The following COG4 variants were observed in gnomAD, a reference collection of about 807,000 sequenced individuals.
COG4 encodes the protein component of oligomeric golgi complex 4, also known as conserved oligomeric Golgi complex subunit 4.
COG4 carries 65 observed loss-of-function variants against 95.1 expected under a neutral mutation model. The ratio of observed to expected loss-of-function variants is 0.68; its 90% confidence interval spans 0.56 to 0.84. COG4 has a LOEUF of 0.84. Among genes scored for constraint, COG4 ranks in the 40% least tolerant of loss-of-function variants. The pLI is 0.00. For synonymous variants in COG4, 421 were observed against 374.8 expected, an observed-to-expected ratio of 1.12 and a Z score of -1.42; for missense variants, 1,045 against 989.1, an observed-to-expected ratio of 1.06 and a Z score of -0.76.
rs562902773 is a variant in COG4 at position 70,509,287 on chromosome 16, T to G, written c.946A>C (p.Arg316=). ...TTGTCTACCACCTTCTCCACCTGTC[T>G]GTCACATTCCACCTGCAGATATTTG... ...LIKYLQVECD[R]QVEKVVDKFI... Residue 316 remains arginine, a synonymous_variant, in exon 7 of 19, where the codon AGA becomes CGA. Coordinates refer to ENST00000323786, the MANE Select transcript of COG4 (RefSeq NM_015386.3). 6.2e-7 allele frequency: 1 copy of G among 1,614,208 alleles called. No homozygotes were observed. The highest frequency in any genetic ancestry group is 1.1e-5 in the South Asian group (1 of 91,092).
At chr16:70,518,220 C>T (rs556404860) in intron 2 of COG4, among the ~76,000 whole-genome samples, 2 of 152,214 alleles carry the variant, frequency 1.3e-5, no homozygotes, top group African/African-American at 4.8e-5. Context: ...CTGCGCCTGG[C>T]CAAAATTAAC....
At position 70,480,888 on chromosome 16, in the gene COG4, C is replaced by G. The variant is rs867991390; in HGVS notation, c.*122G>C. On this transcript the variant is annotated 3_prime_UTR_variant, in exon 19 of 19. Transcript: ENST00000323786. ...CAGACTTTGTTTCTCTGCTGCCAGCCGTAGAAAGGTCTGGGCTGTCAGATC... is the reference window on the plus strand; with the variant it reads ...CAGACTTTGTTTCTCTGCTGCCAGCGGTAGAAAGGTCTGGGCTGTCAGATC... 6.0e-5 allele frequency: 71 copies of G among 1,177,682 alleles called. 1 individual carries two copies. The highest frequency in any genetic ancestry group is 3.8e-4 in the East Asian group (16 of 42,480). The allele number at this position is 1,177,682 out of a possible 1,614,324, so 73.0% of individuals were successfully genotyped here.
intron 8 of COG4, among the ~76,000 whole-genome samples, chr16:70,505,201 T>TC (rs1363547478): frequency 2.0e-5 from 3 of 147,682 alleles, no homozygotes; most frequent in African/African-American, 7.5e-5. Context: ...GATTTTCTTT[T>TC]TTTTTTTTTT....
At chr16:70,492,574 T>G (rs2049266324) in intron 12 of COG4, among the ~76,000 whole-genome samples, 1 of 149,814 alleles carries the variant, frequency 6.7e-6, no homozygotes, top group South Asian at 2.1e-4. Flanking sequence ...GACAGAAGAA[T>G]CACTTGAACC....
At chr16:70,508,112 G>A (rs939050586) in intron 8 of COG4, among the ~76,000 whole-genome samples, 3 of 151,712 alleles carry the variant, frequency 2.0e-5, no homozygotes, top group Non-Finnish European at 4.4e-5. Flanking sequence ...GTAGAGACGG[G>A]GTTTCACCAT....
chr16:70,493,174 ACT>A (rs1419423459), intron 12 of COG4, among the ~76,000 whole-genome samples: 2 of 152,116 alleles, frequency 1.3e-5, no homozygotes, highest in Admixed American at 1.3e-4. Context: ...TCTCCAGCTC[ACT>A]GTCCTATTTG....
At chr16:70,506,402 A>G (rs1282076763) in intron 8 of COG4, among the ~76,000 whole-genome samples, 1 of 150,514 alleles carries the variant, frequency 6.6e-6, no homozygotes, top group Non-Finnish European at 1.5e-5. Flanking sequence ...GACTCCGTCT[A>G]AATTAAAAAA....
chr16:70,516,048 G>A (rs751971609), intron 3 of COG4: 3 of 456,002 alleles, frequency 6.6e-6, no homozygotes, highest in South Asian at 3.1e-5. Flanking sequence ...TTTCTACCAC[G>A]AAAGGATATT....
intron 8 of COG4, 88 bp downstream of exon 8, chr16:70,508,318 G>A: frequency 9.2e-7 from 1 of 1,084,390 alleles, no homozygotes; most frequent in Non-Finnish European, 1.4e-6. Context: ...TAAAAACATA[G>A]ACCACATTGT....
chr16:70,508,839 G>A lies in COG4; in HGVS notation c.1003-375C>T, dbSNP rs115269262. On this transcript the variant is annotated intron_variant, in intron 7 of 18. Transcript: ENST00000323786. ...AAAACAAAGTTCTGAAAAAGCAAAC[G>A]TTATCTTTAACATCTTAGGAATGAA... 327 of 536,216 alleles carry A rather than the reference G, an allele frequency of 6.1e-4. 2 individuals are homozygous for A. The highest frequency in any genetic ancestry group is 5.5e-3 in the African/African-American group (292 of 53,280). The allele number at this position is 536,216 out of a possible 1,614,324, so 33.2% of individuals were successfully genotyped here.
intron 9 of COG4, among the ~76,000 whole-genome samples, chr16:70,499,800 C>A (rs1196408559): frequency 6.6e-6 from 1 of 152,028 alleles, no homozygotes; most frequent in Non-Finnish European, 1.5e-5. Context: ...GCTGGGACTG[C>A]AGACACCCGC....
At chr16:70,506,274 G>A (rs1398363392) in intron 8 of COG4, among the ~76,000 whole-genome samples, 1 of 151,424 alleles carries the variant, frequency 6.6e-6, no homozygotes, top group African/African-American at 2.4e-5. Context: ...ATGGTGGTGG[G>A]CGACTGTAGT....
intron 1 of COG4, among the ~76,000 whole-genome samples, chr16:70,520,254 T>C (rs902973089): frequency 6.6e-6 from 1 of 151,802 alleles, no homozygotes; most frequent in African/African-American, 2.4e-5. Flanking sequence ...GATAACACGG[T>C]GAAACCCTGT....
At position 70,496,217 on chromosome 16, in the gene COG4, T is replaced by C. The variant is rs78104579; in HGVS notation, c.1647+49A>G. 4,056 of 1,605,562 alleles carry C rather than the reference T, an allele frequency of 2.5e-3. 82 individuals are homozygous for C. In the African/African-American group the frequency reaches 0.047, roughly 19 times the overall value. ...ATACTGTGGCTTAGCAGTGATAGCG[T>C]AACCTCTCGAGATAAACCAACCCAG... On this transcript the variant is annotated intron_variant, in intron 12 of 18. Transcript: ENST00000323786.
chr16:70,483,944 T>TG lies in COG4; in HGVS notation c.1735dup (p.Gln579ProfsTer13). On this transcript the variant is annotated frameshift_variant, in exon 14 of 19. Transcript: ENST00000323786. LOFTEE classifies it high-confidence loss of function. ...CTGGGCCTGCTCCCCTCCAATGCCC[T>TG]GGCTGAAGAGCTTGGTGCAGTCACT... The TG allele has an allele frequency of 6.2e-7, 1 of 1,612,980 alleles. No individual in the cohort carries two copies. Among genetic ancestry groups the TG allele is most frequent in the Non-Finnish European group, 8.5e-7 (1 of 1,179,952 alleles).
intron 8 of COG4, among the ~76,000 whole-genome samples, chr16:70,507,159 G>T (rs2049595754): frequency 6.6e-6 from 1 of 152,066 alleles, no homozygotes; most frequent in South Asian, 2.1e-4. Flanking sequence ...GATTGCTTGA[G>T]CCCAGAAGGT....
chr16:70,501,143 C>G, intron 8 of COG4, 52 bp from the exon 9 acceptor site: 1 of 1,598,778 alleles, frequency 6.3e-7, no homozygotes, highest in Non-Finnish European at 8.5e-7. Flanking sequence ...ACCTTAGACA[C>G]AAGAGCTACA....
chr16:70,493,174 A>C (rs1457977561), intron 12 of COG4, among the ~76,000 whole-genome samples: 1 of 152,116 alleles, frequency 6.6e-6, no homozygotes, highest in Non-Finnish European at 1.5e-5. Flanking sequence ...TCTCCAGCTC[A>C]CTGTCCTATT....
chr16:70,489,379 G>A (rs1175463688), intron 13 of COG4, among the ~76,000 whole-genome samples: 1 of 151,514 alleles, frequency 6.6e-6, no homozygotes, highest in Non-Finnish European at 1.5e-5. Context: ...CACCATGGCT[G>A]GCTCATTTTT....
Sources: gnomAD v4.1 joint callset for allele counts (sites outside exome capture counted in the v4.1 genomes callset) on GRCh38, gnomAD v4.1.1 for gene constraint, MANE v1.5 for transcripts, NCBI Gene and HGNC (gene_info 2026-07-23, HGNC 2026-07-21) for gene names.